The following HBEGF variants were observed in gnomAD, a reference collection of about 807,000 sequenced individuals.
The protein encoded by HBEGF is heparin binding EGF like growth factor, also known as proheparin-binding EGF-like growth factor.
A neutral mutation model predicts 19.5 loss-of-function variants in HBEGF; 8 were observed. The observed-to-expected ratio is 0.41, with a 90% CI of 0.24 to 0.74. HBEGF has a LOEUF of 0.74. HBEGF is among the 30% of genes least tolerant of loss of function. HBEGF has a pLI of 0.32. For synonymous variants in HBEGF, 97 were observed against 108.9 expected, an observed-to-expected ratio of 0.89 and a Z score of 0.68; for missense variants, 207 against 256.9, an observed-to-expected ratio of 0.81 and a Z score of 1.33.
chr5:140,342,048 C>T (rs1489897934), intron 3 of HBEGF, among the ~76,000 whole-genome samples: 3 of 152,172 alleles, frequency 2.0e-5, no homozygotes, highest in African/African-American at 4.8e-5. Flanking sequence ...TGGCCAAAGG[C>T]CAGTACTCTC....
intron 3 of HBEGF, among the ~76,000 whole-genome samples, chr5:140,339,813 G>A (rs1766281446): frequency 6.6e-6 from 1 of 152,152 alleles, no homozygotes; most frequent in Admixed American, 6.5e-5. Context: ...CAGCAGCCTG[G>A]ACACACCCTG....
Position 140,342,122 on chromosome 5 carries a change from G to A in HBEGF, c.398+513C>T, listed in dbSNP as rs1030509238. Among the ~76,000 whole-genome samples, 7 of 152,156 alleles carry A rather than the reference G, an allele frequency of 4.6e-5. No homozygotes were observed. The East Asian group carries it at 5.8e-4, about 13-fold the overall frequency. On this transcript the variant is annotated intron_variant, in intron 3 of 5. Coordinates refer to ENST00000230990, the MANE Select transcript of HBEGF (RefSeq NM_001945.3). ...GAAGAAAGAGAGGCCTCAACCTGCC[G>A]CCATGATGATCCCTCTCTGTACAGT... is the stretch of plus-strand genomic sequence containing the variant.
intron 2 of HBEGF, among the ~76,000 whole-genome samples, chr5:140,344,329 C>A (rs905601504): frequency 6.6e-6 from 1 of 152,124 alleles, no homozygotes; most frequent in Admixed American, 6.5e-5. Context: ...CTGATCCAGG[C>A]ATGAATGGGC....
intron 2 of HBEGF, among the ~76,000 whole-genome samples, chr5:140,344,625 GC>G (rs2126719779): frequency 1.3e-5 from 2 of 152,174 alleles, no homozygotes; most frequent in African/African-American, 4.8e-5. Context: ...GGTGCCAGCA[GC>G]CCCCACAGTC....
chr5:140,341,595 A>G (rs1353695890), intron 3 of HBEGF, among the ~76,000 whole-genome samples: 1 of 152,202 alleles, frequency 6.6e-6, no homozygotes, highest in Non-Finnish European at 1.5e-5. Flanking sequence ...GATCAGACAA[A>G]ACAAGGAAGC....
intron 3 of HBEGF, among the ~76,000 whole-genome samples, chr5:140,336,977 C>T (rs754131400): frequency 3.3e-5 from 5 of 151,760 alleles, no homozygotes; most frequent in Non-Finnish European, 5.9e-5. Context: ...TACAGGTGCC[C>T]GCCACCACGC....
chr5:140,346,603 T>C lies in HBEGF; in HGVS notation c.-275A>G, dbSNP rs1161595328. On this transcript the variant is annotated 5_prime_UTR_variant, in exon 1 of 6. Transcript: ENST00000230990. This position sits in a 1 kb window ranked among gnomAD's most constrained non-coding sequence, Gnocchi z 6.1. ...GGCCCGCGTAGCTCCTTCGGCCGAATGAGCGCTGCCCGGCTCGCGGCCGGG... is the reference window on the plus strand; with the variant it reads ...GGCCCGCGTAGCTCCTTCGGCCGAACGAGCGCTGCCCGGCTCGCGGCCGGG... The C allele has an allele frequency of 2.1e-6, 1 of 472,570 alleles. No individual in the cohort carries two copies. The highest frequency in any genetic ancestry group is 2.1e-5 in the African/African-American group (1 of 47,738). 29.3% of individuals were successfully genotyped at this position (472,570 alleles called of 1,614,324 possible). A position where few individuals can be genotyped will look rare whatever the true frequency, so the allele number is the denominator to read the frequency against.
chr5:140,334,636 G>A (rs942110934), intron 5 of HBEGF, 22 bp downstream of exon 5: 2 of 1,483,994 alleles, frequency 1.3e-6, no homozygotes, highest in Non-Finnish European at 1.9e-6. Flanking sequence ...ATCATGTCAT[G>A]GGGCAAAGGA....
intron 3 of HBEGF, among the ~76,000 whole-genome samples, chr5:140,340,285 CAA>C (rs1222094704): frequency 2.3e-5 from 3 of 131,724 alleles, no homozygotes. Flanking sequence ...GATTCCATCT[CAA>C]AAAAAAAAAA....
intron 3 of HBEGF, among the ~76,000 whole-genome samples, chr5:140,339,583 G>C (rs1056418656): frequency 6.6e-6 from 1 of 151,926 alleles, no homozygotes; most frequent in African/African-American, 2.4e-5. Context: ...AGTAGAGACG[G>C]GGGTTTCTCT....
At chr5:140,345,802 C>T in intron 2 of HBEGF, 109 bp downstream of exon 2, 1 of 1,344,470 alleles carries the variant, frequency 7.4e-7, no homozygotes, top group Non-Finnish European at 1.1e-6. Flanking sequence ...CCCCGAGGTT[C>T]TCCATGAATA....
chr5:140,335,524 C>T (rs779683212), intron 4 of HBEGF, among the ~76,000 whole-genome samples: 14 of 152,084 alleles, frequency 9.2e-5, no homozygotes, highest in Non-Finnish European at 1.6e-4. Flanking sequence ...ACTAGCACCA[C>T]CCACACCTTG....
chr5:140,346,199 G>T lies in HBEGF; in HGVS notation c.46+84C>A, dbSNP rs1487655494. On this transcript the variant is annotated intron_variant, in intron 1 of 5. Transcript: ENST00000230990. This position sits in a 1 kb window ranked among gnomAD's most constrained non-coding sequence, Gnocchi z 6.1. ...GGGCCCCACCAAGTGGCCCGTGCCG[G>T]GTGCGCTGCGGCGACCTTCCCCCAT... 1 of 1,554,552 alleles carries T rather than the reference G, an allele frequency of 6.4e-7. No homozygotes were observed.
chr5:140,335,673 G>A (rs573629066), intron 4 of HBEGF, among the ~76,000 whole-genome samples, 199 bp downstream of exon 4: 11 of 152,206 alleles, frequency 7.2e-5, no homozygotes, highest in East Asian at 1.9e-4. Context: ...CTATGGCCTC[G>A]CAAATTTGAC....
At chr5:140,342,896 C>T (rs1766336841) in intron 2 of HBEGF, 84 bp from the exon 3 acceptor site, 11 of 1,385,768 alleles carry the variant, frequency 7.9e-6, no homozygotes. Context: ...AGTATATATG[C>T]TTTGATTCCA....
chr5:140,342,913 G>T, intron 2 of HBEGF, 101 bp from the exon 3 acceptor site: 2 of 1,248,582 alleles, frequency 1.6e-6, no homozygotes, highest in Non-Finnish European at 2.3e-6. Context: ...TCCACCTGAA[G>T]TCAGAGATCT....
intron 3 of HBEGF, among the ~76,000 whole-genome samples, chr5:140,340,354 C>A (rs1298554566): frequency 6.6e-6 from 1 of 150,960 alleles, no homozygotes; most frequent in Non-Finnish European, 1.5e-5. Context: ...CTGAGGCAGG[C>A]GGATCACCTG....
At chr5:140,344,740 G>A (rs1056725363) in intron 2 of HBEGF, among the ~76,000 whole-genome samples, 2 of 151,730 alleles carry the variant, frequency 1.3e-5, no homozygotes, top group Admixed American at 6.6e-5. Flanking sequence ...GCAAGGCAGG[G>A]GGGCCAAGCC....
chr5:140,339,818 A>G (rs1766281498), intron 3 of HBEGF, among the ~76,000 whole-genome samples: 5 of 152,104 alleles, frequency 3.3e-5, no homozygotes, highest in Admixed American at 3.3e-4. Context: ...GCCTGGACAC[A>G]CCCTGGCTAG....
Sources: allele counts gnomAD v4.1 joint callset (sites outside exome capture counted in the v4.1 genomes callset), GRCh38; gene constraint gnomAD v4.1.1; non-coding constraint Gnocchi (gnomAD v3.1); transcripts MANE v1.5; gene names NCBI Gene and HGNC (gene_info 2026-07-23, HGNC 2026-07-21).